Variants in PTPRD observed in about 807,000 individuals in gnomAD.
PTPRD encodes protein tyrosine phosphatase receptor type D, also known as receptor-type tyrosine-protein phosphatase delta.
Under a neutral mutation model 214.5 loss-of-function variants are expected in PTPRD, and 34 were observed. That is an observed-to-expected ratio of 0.16 (90% CI 0.12 to 0.21). The LOEUF (loss-of-function observed/expected upper bound fraction) is 0.21. Among genes scored for constraint, PTPRD ranks in the 10% least tolerant of loss-of-function variants. The pLI, the probability that PTPRD is intolerant of heterozygous loss-of-function variation, is 1.00. For missense variants in PTPRD, 2,545 were observed against 2,398.7 expected, an observed-to-expected ratio of 1.06 and a Z score of -1.27; for synonymous variants, 1,128 against 845.7, an observed-to-expected ratio of 1.33 and a Z score of -5.79.
intron 8 of PTPRD, among the ~76,000 whole-genome samples, chr9:9,407,448 CAGAT>C (rs1049949251): frequency 4.6e-5 from 7 of 151,810 alleles, no homozygotes; most frequent in East Asian, 3.9e-4. Context: ...AAAATATAAA[CAGAT>C]AGGGTATCTA....
At chr9:10,347,869 C>G (rs2097114455) in intron 2 of PTPRD, among the ~76,000 whole-genome samples, 1 of 151,902 alleles carries the variant, frequency 6.6e-6, no homozygotes, top group African/African-American at 2.4e-5. Context: ...ACCAGCCTGG[C>G]CAACATAGGG....
chr9:9,721,587 C>T (rs1025810687), intron 7 of PTPRD, among the ~76,000 whole-genome samples: 1 of 152,118 alleles, frequency 6.6e-6, no homozygotes, highest in Admixed American at 6.5e-5. Context: ...TGCTAAGATA[C>T]AGTCATGATG....
At chr9:9,508,161 C>T (rs1276591684) in intron 8 of PTPRD, among the ~76,000 whole-genome samples, 3 of 151,610 alleles carry the variant, frequency 2.0e-5, no homozygotes, top group African/African-American at 4.8e-5. Context: ...GTAAAGTACA[C>T]ATACAATCAT....
intron 8 of PTPRD, among the ~76,000 whole-genome samples, chr9:9,443,024 A>G (rs1302058459): frequency 2.0e-5 from 3 of 152,146 alleles, no homozygotes; most frequent in South Asian, 2.1e-4. Flanking sequence ...TCTTTCTTAA[A>G]TTGGCTTTAA....
At chr9:8,552,412 G>A (rs2082378152) in intron 14 of PTPRD, among the ~76,000 whole-genome samples, 1 of 152,138 alleles carries the variant, frequency 6.6e-6, no homozygotes, top group Non-Finnish European at 1.5e-5. Context: ...TTTGGATTTG[G>A]TATCCACTTT....
chr9:8,501,003 A>C lies in PTPRD; in HGVS notation c.1879T>G (p.Leu627Val). Residue 627 changes from leucine to valine, a missense_variant, in exon 24 of 46, where the codon TTG (leucine) becomes GTG (valine). Transcript: ENST00000381196. ...SCTSPSSTSI[L>V]VSWQPPPVEK... The stretch of plus-strand genomic sequence containing the variant: ...ACTGGTGGAGGTTGCCAACTTACCA[A>C]AATACTAGTGGAACTTGGGCTGGTG... 1 of 1,614,130 alleles carries C rather than the reference A, an allele frequency of 6.2e-7. No homozygotes were observed. The highest frequency in any genetic ancestry group is 8.5e-7 in the Non-Finnish European group (1 of 1,179,994).
chr9:10,495,604 C>A (rs927144690), intron 2 of PTPRD, among the ~76,000 whole-genome samples: 2 of 151,580 alleles, frequency 1.3e-5, no homozygotes, highest in African/African-American at 4.8e-5. Flanking sequence ...TAAGTTTTGG[C>A]AGTTATATAA....
intron 8 of PTPRD, among the ~76,000 whole-genome samples, chr9:9,456,638 G>A (rs542888948): frequency 6.6e-6 from 1 of 151,934 alleles, no homozygotes; most frequent in Non-Finnish European, 1.5e-5. Flanking sequence ...AATAACTAAT[G>A]TTTATGGAGT....
At chr9:9,444,707 C>T (rs1170972310) in intron 8 of PTPRD, among the ~76,000 whole-genome samples, 1 of 152,110 alleles carries the variant, frequency 6.6e-6, no homozygotes, top group Non-Finnish European at 1.5e-5. Context: ...TTTTCCCTTT[C>T]TTCATACTAC....
chr9:10,159,372 A>G (rs1381042160), intron 3 of PTPRD, among the ~76,000 whole-genome samples: 1 of 152,108 alleles, frequency 6.6e-6, no homozygotes, highest in Non-Finnish European at 1.5e-5. Flanking sequence ...TATTGCAAAT[A>G]TATCTAAGCA....
chr9:9,310,350 T>G (rs1346471315), intron 9 of PTPRD, among the ~76,000 whole-genome samples: 3 of 152,084 alleles, frequency 2.0e-5, no homozygotes, highest in Non-Finnish European at 4.4e-5. Context: ...ACACCTGCCT[T>G]GTCACCAATC....
At chr9:8,713,841 G>A (rs1344463753) in intron 12 of PTPRD, 4 of 1,461,704 alleles carry the variant, frequency 2.7e-6, no homozygotes, top group Non-Finnish European at 3.7e-6. Context: ...CCTTCTTCTA[G>A]GTGCAGGGCC....
At chr9:9,344,469 A>T (rs1449535045) in intron 9 of PTPRD, among the ~76,000 whole-genome samples, 1 of 152,110 alleles carries the variant, frequency 6.6e-6, no homozygotes, top group Non-Finnish European at 1.5e-5. Flanking sequence ...TGTTCAGCAC[A>T]TGTATCCCAG....
At chr9:10,279,706 C>T (rs1356310713) in intron 3 of PTPRD, among the ~76,000 whole-genome samples, 1 of 105,528 alleles carries the variant, frequency 9.5e-6, no homozygotes, top group African/African-American at 4.0e-5. Context: ...CAGTGCAAAA[C>T]AGAAAAAAAA....
chr9:9,016,173 A>G (rs1163025305), intron 11 of PTPRD, among the ~76,000 whole-genome samples: 2 of 152,100 alleles, frequency 1.3e-5, no homozygotes, highest in African/African-American at 2.4e-5. Flanking sequence ...GGGAAGCGAA[A>G]TTGCTTTTCC....
At chr9:8,741,236 G>T (rs548987345) in intron 11 of PTPRD, among the ~76,000 whole-genome samples, 26 of 152,164 alleles carry the variant, frequency 1.7e-4, no homozygotes, top group African/African-American at 6.0e-4. Context: ...ATCTCCCTTT[G>T]TATCTATTGT....
chr9:9,821,586 G>T (rs186847313), intron 5 of PTPRD, among the ~76,000 whole-genome samples: 2 of 152,190 alleles, frequency 1.3e-5, no homozygotes, highest in Non-Finnish European at 2.9e-5. Flanking sequence ...TATTGCATAG[G>T]CTATTCTCTC....
chr9:8,670,513 T>C (rs2097261490), intron 12 of PTPRD, among the ~76,000 whole-genome samples: 1 of 152,236 alleles, frequency 6.6e-6, no homozygotes, highest in African/African-American at 2.4e-5. Context: ...TCAGCTAAAA[T>C]ATGTGAGATG....
intron 10 of PTPRD, among the ~76,000 whole-genome samples, chr9:9,040,759 T>C (rs1047317582): frequency 2.0e-5 from 3 of 152,202 alleles, no homozygotes; most frequent in African/African-American, 7.2e-5. Flanking sequence ...GAGAATTAAA[T>C]ATTCCCTTCA....
Sources: gnomAD v4.1 joint callset for allele counts (sites outside exome capture counted in the v4.1 genomes callset) on GRCh38, gnomAD v4.1.1 for gene constraint, MANE v1.5 for transcripts, NCBI Gene and HGNC (gene_info 2026-07-23, HGNC 2026-07-21) for gene names.